ANAPC5: variants seen among roughly 807,000 people sequenced by gnomAD.
ANAPC5 encodes the protein anaphase promoting complex subunit 5.
ANAPC5 carries 60 observed loss-of-function variants against 91.3 expected under a neutral mutation model. That is an observed-to-expected ratio of 0.66 (90% CI 0.53 to 0.81). The LOEUF is 0.81. Ranked by LOEUF, ANAPC5 falls within the 40% of genes least tolerant of loss-of-function variation. The probability of loss-of-function intolerance (pLI) is 0.00; values close to 1 mark genes in which losing one functional copy is unlikely to be tolerated. For missense variants in ANAPC5, 690 were observed against 931.5 expected (o/e 0.74, Z 3.37); for synonymous variants, 340 against 364.1 (o/e 0.93, Z 0.75).
intron 1 of ANAPC5, chr12:121,350,973 T>C (rs918896265): frequency 2.7e-6 from 1 of 370,512 alleles, no homozygotes; most frequent in African/African-American, 2.2e-5. Flanking sequence ...TACTACATGC[T>C]AGTAACAGTT....
chr12:121,341,103 C>T (rs1446343542), intron 5 of ANAPC5, among the ~76,000 whole-genome samples: 15 of 151,712 alleles, frequency 9.9e-5, no homozygotes, highest in Non-Finnish European at 2.2e-4. Flanking sequence ...GCAGAGGTGT[C>T]GGTGAGCTGA....
intron 3 of ANAPC5, chr12:121,346,672 A>G (rs1903678695): frequency 2.7e-6 from 1 of 370,982 alleles, no homozygotes; most frequent in Admixed American, 4.5e-5. Flanking sequence ...AAACCCCAGG[A>G]CCAGGCTCTG....
At chr12:121,347,620 G>T in intron 2 of ANAPC5, 182 bp downstream of exon 2, 2 of 590,682 alleles carry the variant, frequency 3.4e-6, no homozygotes, top group South Asian at 4.2e-5. Flanking sequence ...AACAGAATGA[G>T]ACCCTGTCTC....
chr12:121,344,454 C>G (rs1438214218), intron 4 of ANAPC5, among the ~76,000 whole-genome samples: 2 of 151,810 alleles, frequency 1.3e-5, no homozygotes, highest in African/African-American at 2.4e-5. Flanking sequence ...CTGGTGGGCA[C>G]CTGTAATCCC....
At chr12:121,332,311 T>G (rs1555273003) in intron 7 of ANAPC5, 1 of 152,172 alleles carries the variant, frequency 6.6e-6, no homozygotes, top group Admixed American at 6.6e-5. Flanking sequence ...TCTGTAATAT[T>G]TTTTCCTTTA....
intron 9 of ANAPC5, chr12:121,328,818 CT>C (rs1902919034): frequency 4.2e-6 from 1 of 239,752 alleles, no homozygotes; most frequent in Non-Finnish European, 8.2e-6. Context: ...TAAGCCTCAG[CT>C]TCCTCATCTG....
chr12:121,331,757 T>C (rs552470869), intron 7 of ANAPC5: 1 of 169,002 alleles, frequency 5.9e-6, no homozygotes, highest in South Asian at 1.9e-4. Flanking sequence ...TTACTTTTCA[T>C]GGCATTCTCT....
intron 1 of ANAPC5, chr12:121,351,214 T>A (rs868974544): frequency 1.9e-5 from 7 of 361,990 alleles, no homozygotes; most frequent in Non-Finnish European, 2.7e-5. Context: ...CTACAAAAAA[T>A]GCAAAAAAAT....
In ANAPC5 at chr12:121,309,795, G is replaced by A. The variant is rs201214898; in HGVS notation, c.1962C>T (p.Asp654=). The part of the protein sequence containing the change: ...LHMAIEPILA[D]GAILDKGRAM... ...CACGACCTTTGTCCAGGATAGCCCC[G>A]TCAGCCAAGATGGGCTCGATGGCCA... The change falls in exon 16 of 17, where the codon GAC becomes GAT. Residue 654 remains aspartate (D), a synonymous_variant. Transcript: ENST00000261819. 35 of 1,614,126 alleles carry A rather than the reference G, an allele frequency of 2.2e-5. No individual in the cohort carries two copies. The highest frequency in any genetic ancestry group is 2.0e-4 in the East Asian group (9 of 44,888).
rs1903727264 is a variant in ANAPC5, at chr12:121,347,796, G to A, written c.287+6C>T. On this transcript the variant is annotated splice_donor_region_variant and intron_variant, in intron 2 of 16. Transcript: ENST00000261819. The stretch of plus-strand genomic sequence containing the variant: ...TTTCATATATAAAGAAGAAAATGAA[G>A]TTTACCTGATCTGCACTGAATTTGC... The A allele has an allele frequency of 1.2e-6, 2 of 1,603,462 alleles. No homozygotes were observed. Among genetic ancestry groups the A allele is most frequent in the Non-Finnish European group, 8.5e-7 (1 of 1,170,792 alleles).
At position 121,320,228 on chromosome 12, in the gene ANAPC5, A is replaced by G. The variant is rs141981839; in HGVS notation, c.1515+157T>C. ...ATAGAGTATGAGCCTGTGTTTTTAA[A>G]CTTTATATAAATAATATCATACTTG... On this transcript the variant is annotated intron_variant, in intron 12 of 16. Transcript: ENST00000261819. 8.4e-3 allele frequency among the ~76,000 whole-genome samples: 1,276 copies of G among 152,348 alleles called. 16 individuals are homozygous for G. Among genetic ancestry groups the G allele is most frequent in the South Asian group, 0.044 (212 of 4,830 alleles).
At chr12:121,320,248 T>C (rs925000430) in intron 12 of ANAPC5, 137 bp downstream of exon 12, 1 of 727,798 alleles carries the variant, frequency 1.4e-6, no homozygotes, top group Non-Finnish European at 2.2e-6. Context: ...AATAATATCA[T>C]ACTTGTAAGC....
At chr12:121,317,348 G>A (rs941739281) in intron 15 of ANAPC5, among the ~76,000 whole-genome samples, 3 of 151,402 alleles carry the variant, frequency 2.0e-5, no homozygotes, top group African/African-American at 4.9e-5. Flanking sequence ...CCGCCTCCCA[G>A]GGTCAAGCGA....
In ANAPC5 at chr12:121,336,808, C is replaced by T. The variant is rs893741695; in HGVS notation, c.759+483G>A. Reference sequence around the variant, plus strand: ...GAGTAAGAAGAAATCGCCTATGGCCCGAGGAGGGAGGGAGGAGCTTTGCAA... The same window carrying T: ...GAGTAAGAAGAAATCGCCTATGGCCTGAGGAGGGAGGGAGGAGCTTTGCAA... On this transcript the variant is annotated intron_variant, in intron 6 of 16. Coordinates refer to ENST00000261819, the MANE Select transcript of ANAPC5 (RefSeq NM_016237.5). Among the ~76,000 whole-genome samples the T allele has an allele frequency of 3.3e-5, 5 of 152,126 alleles. No individual in the cohort carries two copies. In the East Asian group the frequency reaches 5.8e-4, roughly 18 times the overall value.
Position 121,322,379 on chromosome 12 carries a change from C to T in ANAPC5, c.1441-1920G>A, listed in dbSNP as rs141913815. ...TCACCATGTTGGTCAGTCTGGTCTCCAACTCCTGACCTCAGGTGATCTGCC... is the reference window on the plus strand; with the variant it reads ...TCACCATGTTGGTCAGTCTGGTCTCTAACTCCTGACCTCAGGTGATCTGCC... On this transcript the variant is annotated intron_variant, in intron 11 of 16. Transcript: ENST00000261819. Among the ~76,000 whole-genome samples, 316 of 151,752 alleles carry T rather than the reference C, an allele frequency of 2.1e-3. 5 individuals are homozygous for T. In the East Asian group the frequency reaches 0.049, roughly 23 times the overall value.
At chr12:121,311,922 G>A (rs192310752) in intron 15 of ANAPC5, among the ~76,000 whole-genome samples, 17 of 152,256 alleles carry the variant, frequency 1.1e-4, no homozygotes, top group African/African-American at 3.9e-4. Flanking sequence ...TTAGACAGAA[G>A]ATCAGCAAGG....
At chr12:121,309,660 C>T (rs371151967) in intron 16 of ANAPC5, 41 bp downstream of exon 16, 13 of 1,559,808 alleles carry the variant, frequency 8.3e-6, no homozygotes, top group Non-Finnish European at 1.0e-5. Flanking sequence ...TCAATGCTTT[C>T]TGGAATAGCA....
chr12:121,350,031 T>C (rs1183442114), intron 1 of ANAPC5, among the ~76,000 whole-genome samples: 1 of 152,026 alleles, frequency 6.6e-6, no homozygotes, highest in African/African-American at 2.4e-5. Context: ...ATTTTAGTAT[T>C]ATAACTTTAA....
intron 1 of ANAPC5, among the ~76,000 whole-genome samples, chr12:121,349,837 G>A (rs1430684800): frequency 2.0e-5 from 3 of 151,154 alleles, no homozygotes; most frequent in Non-Finnish European, 4.4e-5. Flanking sequence ...CTCCCGAGTA[G>A]CTGGGACTAC....
Sources: allele counts gnomAD v4.1 joint callset (sites outside exome capture counted in the v4.1 genomes callset), GRCh38; gene constraint gnomAD v4.1.1; transcripts MANE v1.5; gene names NCBI Gene and HGNC (gene_info 2026-07-23, HGNC 2026-07-21).